PRDM16: variants seen among roughly 807,000 people sequenced by gnomAD.
The protein encoded by PRDM16 is histone-lysine N-methyltransferase PRDM16.
Under a neutral mutation model 110.6 loss-of-function variants are expected in PRDM16, and 23 were observed. The ratio of observed to expected loss-of-function variants is 0.21; its 90% CI spans 0.15 to 0.29. The LOEUF is 0.29. Among genes scored for constraint, PRDM16 ranks in the 10% least tolerant of loss-of-function variants. The probability of loss-of-function intolerance (pLI) is 1.00; values close to 1 mark genes in which losing one functional copy is unlikely to be tolerated. For synonymous variants in PRDM16, 799 were observed against 781.8 expected (o/e 1.02, Z -0.37); for missense variants, 1,615 against 1,794.3 (o/e 0.90, Z 1.81).
At chr1:3,229,920 C>A (rs1198605420) in intron 2 of PRDM16, among the ~76,000 whole-genome samples, 8 of 152,172 alleles carry the variant, frequency 5.3e-5, no homozygotes, top group African/African-American at 1.9e-4. Flanking sequence ...TGTTAGAAAG[C>A]AAGGAAAGAT....
intron 1 of PRDM16, among the ~76,000 whole-genome samples, chr1:3,117,189 T>A (rs1361142505): frequency 6.6e-6 from 1 of 152,170 alleles, no homozygotes; most frequent in Non-Finnish European, 1.5e-5. Flanking sequence ...TGGTTTCTTG[T>A]CTCACACCGG....
chr1:3,358,230 A>T lies in PRDM16; in HGVS notation c.439-26922A>T, dbSNP rs955469639. Among the ~76,000 whole-genome samples, 2 of 152,184 alleles carry T rather than the reference A, an allele frequency of 1.3e-5. No homozygotes were observed. The highest frequency in any genetic ancestry group is 4.8e-5 in the African/African-American group (2 of 41,464). On this transcript the variant is annotated intron_variant, in intron 3 of 16. Transcript: ENST00000270722. The surrounding 1 kb of genome is among the most constrained non-coding windows in gnomAD (Gnocchi z 4.0). The stretch of plus-strand genomic sequence containing the variant: ...AGTTTGTCTTCCTCCCTGTACACAG[A>T]TAAAGTCACCATGAGACTCCCGGTT...
chr1:3,161,538 A>C (rs1444754862), intron 1 of PRDM16, among the ~76,000 whole-genome samples: 1 of 152,180 alleles, frequency 6.6e-6, no homozygotes, highest in Admixed American at 6.5e-5. Flanking sequence ...ATGAATAGTT[A>C]TAAGCTCATT....
At chr1:3,096,695 G>A (rs1304456120) in intron 1 of PRDM16, among the ~76,000 whole-genome samples, 3 of 152,186 alleles carry the variant, frequency 2.0e-5, no homozygotes, top group Non-Finnish European at 2.9e-5. Flanking sequence ...TCCCAGGGCT[G>A]CTGAGCCCTC....
chr1:3,212,632 A>C, intron 2 of PRDM16, among the ~76,000 whole-genome samples: 1 of 148,612 alleles, frequency 6.7e-6, no homozygotes, highest in African/African-American at 2.5e-5. Flanking sequence ...CCTCCCGCTC[A>C]TCCTCCCGGC....
intron 2 of PRDM16, among the ~76,000 whole-genome samples, chr1:3,234,948 A>G (rs1009563808): frequency 1.3e-5 from 2 of 152,240 alleles, no homozygotes; most frequent in African/African-American, 4.8e-5. Flanking sequence ...TCCAGGCTGC[A>G]GGGCTCTGAT....
intron 3 of PRDM16, among the ~76,000 whole-genome samples, chr1:3,335,174 T>A (rs1419478427): frequency 6.6e-6 from 1 of 152,226 alleles, no homozygotes; most frequent in African/African-American, 2.4e-5. Context: ...CCAGCTGCCC[T>A]GCACAGCCCC....
At chr1:3,277,779 A>G (rs1640623440) in intron 3 of PRDM16, among the ~76,000 whole-genome samples, 1 of 147,134 alleles carries the variant, frequency 6.8e-6, no homozygotes, top group Non-Finnish European at 1.5e-5. Flanking sequence ...ACACACACGC[A>G]CACATATGCA....
At chr1:3,216,401 C>T (rs1434192963) in intron 2 of PRDM16, among the ~76,000 whole-genome samples, 1 of 152,246 alleles carries the variant, frequency 6.6e-6, no homozygotes, top group Non-Finnish European at 1.5e-5. Flanking sequence ...AGCATGCATG[C>T]TCCTGCAGGC....
At chr1:3,200,804 A>C (rs1157147320) in intron 2 of PRDM16, among the ~76,000 whole-genome samples, 1 of 152,108 alleles carries the variant, frequency 6.6e-6, no homozygotes, top group Non-Finnish European at 1.5e-5. Flanking sequence ...TGTCTCCTGC[A>C]CCTAATCCCA....
chr1:3,437,017 C>A lies in PRDM16; in HGVS notation c.*3206C>A. 1 of 233,182 alleles carries A rather than the reference C, an allele frequency of 4.3e-6. No homozygotes were observed. The highest frequency in any genetic ancestry group is 8.5e-6 in the Non-Finnish European group (1 of 117,964). 14.4% of individuals were successfully genotyped at this position (233,182 alleles called of 1,614,324 possible). A position where few individuals can be genotyped will look rare whatever the true frequency, so the allele number is the denominator to read the frequency against. On this transcript the variant is annotated 3_prime_UTR_variant, in exon 17 of 17. Coordinates refer to ENST00000270722, the MANE Select transcript of PRDM16 (RefSeq NM_022114.4). ...CCCCACCCGTTCCTGCTCTCATCCCCAGGTTGGGCACGTGGGGTTCCTCCT... is the reference window on the plus strand; with the variant it reads ...CCCCACCCGTTCCTGCTCTCATCCCAAGGTTGGGCACGTGGGGTTCCTCCT...
intron 3 of PRDM16, among the ~76,000 whole-genome samples, chr1:3,306,339 C>T (rs770029363): frequency 1.3e-5 from 2 of 152,162 alleles, no homozygotes; most frequent in African/African-American, 2.4e-5. Context: ...TTAAGGAGGC[C>T]AAGACACAGG....
At chr1:3,352,131 A>G (rs1484370385) in intron 3 of PRDM16, among the ~76,000 whole-genome samples, 1 of 152,186 alleles carries the variant, frequency 6.6e-6, no homozygotes, top group Non-Finnish European at 1.5e-5. Flanking sequence ...ACACCGGTGC[A>G]TGGTCCACCT....
intron 3 of PRDM16, among the ~76,000 whole-genome samples, chr1:3,331,303 C>CT (rs1264520508): frequency 6.6e-6 from 1 of 152,066 alleles, no homozygotes; most frequent in East Asian, 1.9e-4. Flanking sequence ...AGCCCCCCCC[C>CT]GGCACACTTG....
At chr1:3,347,698 G>A (rs1275025278) in intron 3 of PRDM16, among the ~76,000 whole-genome samples, 1 of 152,222 alleles carries the variant, frequency 6.6e-6, no homozygotes, top group Non-Finnish European at 1.5e-5. Context: ...AAGCTGAATG[G>A]GCAGGTTCCG....
chr1:3,383,198 G>A (rs1257259037), intron 3 of PRDM16, among the ~76,000 whole-genome samples: 1 of 152,238 alleles, frequency 6.6e-6, no homozygotes, highest in African/African-American at 2.4e-5. Context: ...TCTGAAATAA[G>A]ACAGGCTTTG....
chr1:3,287,198 T>C (rs1410248882), intron 3 of PRDM16, among the ~76,000 whole-genome samples: 1 of 152,170 alleles, frequency 6.6e-6, no homozygotes, highest in East Asian at 1.9e-4. Flanking sequence ...CAGGATGCCC[T>C]GAGCGCCGTA....
intron 3 of PRDM16, among the ~76,000 whole-genome samples, chr1:3,299,727 A>C (rs1342356767): frequency 5.5e-5 from 3 of 54,098 alleles, no homozygotes; most frequent in South Asian, 8.2e-4. Context: ...TGCTGTGGCC[A>C]TGATGTTTCC....
intron 3 of PRDM16, among the ~76,000 whole-genome samples, chr1:3,251,383 G>A (rs940649831): frequency 6.6e-6 from 1 of 152,224 alleles, no homozygotes; most frequent in African/African-American, 2.4e-5. Flanking sequence ...GAGCGGAGCA[G>A]TCAGGCACAG....
Sources: gnomAD v4.1 joint callset for allele counts (sites outside exome capture counted in the v4.1 genomes callset) on GRCh38, gnomAD v4.1.1 for gene constraint, Gnocchi (gnomAD v3.1) non-coding constraint, MANE v1.5 for transcripts, NCBI Gene and HGNC (gene_info 2026-07-23, HGNC 2026-07-21) for gene names.